The following CATSPERE variants were observed in gnomAD, a reference collection of about 807,000 sequenced individuals.
The protein encoded by CATSPERE is catsper channel auxiliary subunit epsilon, also known as cation channel sperm-associated auxiliary subunit epsilon.
Under a neutral mutation model 114.1 loss-of-function variants are expected in CATSPERE, and 93 were observed. That is an observed-to-expected ratio of 0.81 (90% CI 0.69 to 0.97). CATSPERE has a LOEUF of 0.97. Among genes scored for constraint, CATSPERE ranks in the 50% least tolerant of loss-of-function variants. CATSPERE has a pLI of 0.00. For missense variants in CATSPERE, 1,058 were observed against 1,131.6 expected, an observed-to-expected ratio of 0.93 and a Z score of 0.93; for synonymous variants, 341 against 384.1, an observed-to-expected ratio of 0.89 and a Z score of 1.31.
In CATSPERE at chr1:244,552,750, T is replaced by G; in HGVS notation, c.965T>G (p.Leu322Arg). 1 of 1,612,370 alleles carries G rather than the reference T, an allele frequency of 6.2e-7. No individual in the cohort carries two copies. Among genetic ancestry groups the G allele is most frequent in the Non-Finnish European group, 8.5e-7 (1 of 1,179,366 alleles). Residue 322 changes from leucine (L) to arginine (R), a missense_variant, in exon 9 of 22, where the codon CTT becomes CGT. Coordinates refer to ENST00000366534, the MANE Select transcript of CATSPERE (RefSeq NM_001130957.2). ...GFIRLGGIVN[L>R]PDGGITGISS... The stretch of plus-strand genomic sequence containing the variant: ...ATAAGACTGGGAGGAATTGTAAATC[T>G]TCCTGATGGTGGAATTACTGGCATT...
intron 15 of CATSPERE, among the ~76,000 whole-genome samples, chr1:244,592,283 A>G (rs1667830036): frequency 6.6e-6 from 1 of 152,202 alleles, no homozygotes; most frequent in Non-Finnish European, 1.5e-5. Flanking sequence ...AAGTCCTGAC[A>G]TCAAATATTC....
At chr1:244,483,757 A>G (rs1465721270) in intron 5 of CATSPERE, among the ~76,000 whole-genome samples, 1 of 152,034 alleles carries the variant, frequency 6.6e-6, no homozygotes, top group Non-Finnish European at 1.5e-5. Context: ...GTCCCAGTTT[A>G]TGTAGATTTT....
chr1:244,477,574 G>C lies in CATSPERE; in HGVS notation c.148G>C (p.Glu50Gln), dbSNP rs760395251. The change falls in exon 3 of 22, where the codon GAG becomes CAG. Residue 50 changes from glutamate to glutamine, a missense_variant. Around this residue, in one of 2 missense-constraint regions of CATSPERE, gnomAD observed 271 missense variants for 225.9 expected, o/e 1.20. Transcript: ENST00000366534. ...KLEYEGTLFT[E>Q]WSVPETCFVL... ...AGAGTATGAAGGAACATTATTTACT[G>C]AGTGGAGTGTGCCAGAAACTTGTTT... The C allele has an allele frequency of 6.2e-7, 1 of 1,602,198 alleles. No individual in the cohort carries two copies. Among genetic ancestry groups the C allele is most frequent in the Non-Finnish European group, 8.5e-7 (1 of 1,170,074 alleles).
At chr1:244,565,176 C>T (rs954964748) in intron 10 of CATSPERE, among the ~76,000 whole-genome samples, 36 of 152,100 alleles carry the variant, frequency 2.4e-4, no homozygotes, top group African/African-American at 8.2e-4. Context: ...ATTTTTGCAA[C>T]GATGTTCATC....
chr1:244,619,591 C>T (rs759937860), intron 20 of CATSPERE, among the ~76,000 whole-genome samples: 3 of 152,026 alleles, frequency 2.0e-5, no homozygotes, highest in South Asian at 4.2e-4. Context: ...GAGACTTTTC[C>T]GAATGCCATG....
At chr1:244,529,708 C>G (rs1036274101) in intron 8 of CATSPERE, among the ~76,000 whole-genome samples, 9 of 151,802 alleles carry the variant, frequency 5.9e-5, no homozygotes, top group Non-Finnish European at 1.3e-4. Context: ...TTTGTAGAAG[C>G]TTTTTAACTT....
chr1:244,490,073 A>T (rs1349682250), intron 5 of CATSPERE, among the ~76,000 whole-genome samples: 1 of 152,184 alleles, frequency 6.6e-6, no homozygotes, highest in Non-Finnish European at 1.5e-5. Flanking sequence ...GTACTTCAAG[A>T]AGCAAAGAGT....
At chr1:244,596,440 C>G (rs1448206507) in intron 17 of CATSPERE, among the ~76,000 whole-genome samples, 1 of 152,206 alleles carries the variant, frequency 6.6e-6, no homozygotes, top group East Asian at 1.9e-4. Flanking sequence ...TCAGCTCAAT[C>G]TTGAATTCTT....
rs549082220 is a variant in CATSPERE, at chr1:244,516,317, C to T, written c.430-2275C>T. On this transcript the variant is annotated intron_variant, in intron 7 of 21. Coordinates refer to ENST00000366534, the MANE Select transcript of CATSPERE (RefSeq NM_001130957.2). ...ATAATTCTTTTAGAAATTATTTTGG[C>T]AATATGTATCAAGAGAGTTTTGTTT... Among the ~76,000 whole-genome samples the T allele has an allele frequency of 7.9e-5, 12 of 151,722 alleles. 1 individual carries two copies. The South Asian group carries it at 2.5e-3, about 31-fold the overall frequency.
intron 20 of CATSPERE, among the ~76,000 whole-genome samples, chr1:244,619,568 G>A (rs6670863): frequency 0.61 from 92,680 of 151,936 alleles, 28,741 homozygotes; most frequent in Middle Eastern, 0.76. Context: ...CTAATGGAGA[G>A]TATTTCTTCC....
intron 13 of CATSPERE, 85 bp downstream of exon 13, chr1:244,584,024 ACAATACCTCCATG>A (rs1387233846): frequency 2.9e-4 from 296 of 1,006,676 alleles, no homozygotes; most frequent in Admixed American, 7.1e-4. Flanking sequence ...ATACCTCCGT[ACAATACCTCCATG>A]CAATACCTCC....
chr1:244,548,434 C>G (rs1660099598), intron 8 of CATSPERE, among the ~76,000 whole-genome samples: 1 of 152,204 alleles, frequency 6.6e-6, no homozygotes, highest in South Asian at 2.1e-4. Flanking sequence ...TAGCCAGCTA[C>G]CTGGTGGCAG....
intron 9 of CATSPERE, among the ~76,000 whole-genome samples, chr1:244,553,546 A>G (rs1661007362): frequency 7.3e-6 from 1 of 136,790 alleles, no homozygotes; most frequent in Non-Finnish European, 1.5e-5. Context: ...GTGCCACTGC[A>G]CTCCAGCCTG....
At chr1:244,571,235 G>A (rs187762703) in intron 10 of CATSPERE, among the ~76,000 whole-genome samples, 2 of 152,132 alleles carry the variant, frequency 1.3e-5, no homozygotes, top group Non-Finnish European at 1.5e-5. Flanking sequence ...ATAGTAATTT[G>A]TAAAAATGTT....
chr1:244,591,340 C>T (rs558415748), intron 14 of CATSPERE, among the ~76,000 whole-genome samples: 1 of 151,150 alleles, frequency 6.6e-6, no homozygotes, highest in Admixed American at 6.6e-5. Context: ...CCATGTTGTA[C>T]AATAGACCTC....
At chr1:244,544,080 AAAAAAAAAAAAG>A (rs1659331931) in intron 8 of CATSPERE, among the ~76,000 whole-genome samples, 2 of 156 alleles carry the variant, frequency 0.013, no homozygotes, top group Admixed American at 0.25. Context: ...TACAAAAAAA[AAAAAAAAAAAAG>A]TGTGTAGCAG....
At position 244,560,675 on chromosome 1, in the gene CATSPERE, G is replaced by C. The variant is rs1662422686; in HGVS notation, c.1037G>C (p.Gly346Ala). The C allele has an allele frequency of 1.3e-6, 2 of 1,579,370 alleles. No individual in the cohort carries two copies. Among genetic ancestry groups the C allele is most frequent in the African/African-American group, 1.4e-5 (1 of 73,638 alleles). Residue 346 changes from glycine to alanine, a missense_variant, in exon 10 of 22, where the codon GGA (glycine) becomes GCA (alanine). Coordinates refer to ENST00000366534, the MANE Select transcript of CATSPERE (RefSeq NM_001130957.2). ...CWVNYLLKAK[G>A]RRSTFAVWTE... ...TTTTTCATTTTGTCACAGGCTAAAGGAAGAAGAAGCACCTTTGCAGTCTGG... is the reference window on the plus strand; with the variant it reads ...TTTTTCATTTTGTCACAGGCTAAAGCAAGAAGAAGCACCTTTGCAGTCTGG...
chr1:244,619,294 G>C (rs1671792690), intron 20 of CATSPERE, among the ~76,000 whole-genome samples: 1 of 152,032 alleles, frequency 6.6e-6, no homozygotes, highest in African/African-American at 2.4e-5. Flanking sequence ...AGGAATTTGG[G>C]GTGATGAGGA....
At chr1:244,622,164 C>T (rs1017471345) in intron 20 of CATSPERE, among the ~76,000 whole-genome samples, 24 of 152,094 alleles carry the variant, frequency 1.6e-4, no homozygotes, top group African/African-American at 5.8e-4. Flanking sequence ...ACCAACACAC[C>T]GTAAGGTTTT....
Sources: gnomAD v4.1 joint callset for allele counts (sites outside exome capture counted in the v4.1 genomes callset) on GRCh38, gnomAD v4.1.1 for gene constraint, gnomAD v4.1.1 regional missense constraint, MANE v1.5 for transcripts, NCBI Gene and HGNC (gene_info 2026-07-23, HGNC 2026-07-21) for gene names.